KIZ: variants seen among roughly 807,000 people sequenced by gnomAD.
The protein encoded by KIZ is kizuna centrosomal protein, also known as centrosomal protein kizuna.
A neutral mutation model predicts 79.6 loss-of-function variants in KIZ; 68 were observed. The ratio of observed to expected loss-of-function variants is 0.85; its 90% CI spans 0.70 to 1.05. The LOEUF is 1.05. KIZ is among the 50% of genes least tolerant of loss of function. The probability of loss-of-function intolerance (pLI) is 0.00; values close to 1 mark genes in which losing one functional copy is unlikely to be tolerated. For synonymous variants in KIZ, 280 were observed against 281.8 expected (o/e 0.99, Z 0.06); for missense variants, 797 against 800.4 (o/e 1.00, Z 0.05).
At chr20:21,159,955 G>A (rs1293273130) in intron 4 of KIZ, among the ~76,000 whole-genome samples, 2 of 152,150 alleles carry the variant, frequency 1.3e-5, no homozygotes, top group Non-Finnish European at 2.9e-5. Flanking sequence ...TGGGTGCACC[G>A]TTTTATATTC....
chr20:21,135,037 T>C (rs559681860), intron 2 of KIZ, among the ~76,000 whole-genome samples: 1 of 152,292 alleles, frequency 6.6e-6, no homozygotes, highest in African/African-American at 2.4e-5. Context: ...CTAGGTCAGG[T>C]TGCCCGGTGT....
intron 10 of KIZ, among the ~76,000 whole-genome samples, chr20:21,231,934 C>A (rs1348059540): frequency 6.6e-6 from 1 of 152,230 alleles, no homozygotes; most frequent in African/African-American, 2.4e-5. Context: ...TGGACACCCT[C>A]TTTGGGCTGA....
At chr20:21,240,132 A>T (rs190424625) in intron 11 of KIZ, among the ~76,000 whole-genome samples, 11 of 150,402 alleles carry the variant, frequency 7.3e-5, no homozygotes, top group Admixed American at 2.7e-4. Flanking sequence ...TTAATTAACT[A>T]TTTTTTTTTT....
intron 1 of KIZ, among the ~76,000 whole-genome samples, chr20:21,130,138 A>G (rs114331268): frequency 0.016 from 2,395 of 152,142 alleles, 48 homozygotes; most frequent in African/African-American, 0.051. Flanking sequence ...GCTCACCTGC[A>G]AACCGCGGTT....
chr20:21,186,533 A>G (rs887363233), intron 6 of KIZ, among the ~76,000 whole-genome samples: 1 of 150,244 alleles, frequency 6.7e-6, no homozygotes, highest in Non-Finnish European at 1.5e-5. Flanking sequence ...ACTTTCCATT[A>G]TTTTTCATTC....
intron 7 of KIZ, among the ~76,000 whole-genome samples, chr20:21,211,887 G>C (rs1166805979): frequency 6.6e-6 from 1 of 152,128 alleles, no homozygotes; most frequent in Non-Finnish European, 1.5e-5. Flanking sequence ...ACAGGAGTTC[G>C]AGACCAGCCT....
At chr20:21,128,939 C>G (rs2031661773) in intron 1 of KIZ, among the ~76,000 whole-genome samples, 1 of 152,090 alleles carries the variant, frequency 6.6e-6, no homozygotes, top group African/African-American at 2.4e-5. Flanking sequence ...GAAAACTCAG[C>G]AAGATAAGGA....
At chr20:21,166,695 T>G (rs1342067902) in intron 6 of KIZ, 1 of 629,018 alleles carries the variant, frequency 1.6e-6, no homozygotes, top group Non-Finnish European at 2.8e-6. Flanking sequence ...CTACCTCAGG[T>G]GATCTGCCTG....
intron 12 of KIZ, chr20:21,245,917 A>G (rs1163876005): frequency 6.6e-6 from 1 of 152,656 alleles, no homozygotes; most frequent in Non-Finnish European, 1.5e-5. Context: ...CTGTCCACTC[A>G]CTGCCAGGCA....
At chr20:21,226,324 C>G (rs1473816368) in intron 9 of KIZ, 1 of 152,362 alleles carries the variant, frequency 6.6e-6, no homozygotes, top group Non-Finnish European at 1.5e-5. Context: ...CTAGAGGCAT[C>G]TGGATCCACA....
chr20:21,147,961 T>TTGTGTGTGTATG (rs71330815), intron 4 of KIZ, among the ~76,000 whole-genome samples: 17 of 141,036 alleles, frequency 1.2e-4, no homozygotes, highest in Non-Finnish European at 2.3e-4. Context: ...CTCCTGGAAT[T>TTGTGTGTGTATG]TGTGTGTGTG....
At chr20:21,220,374 C>T (rs2123355675) in intron 9 of KIZ, among the ~76,000 whole-genome samples, 1 of 152,184 alleles carries the variant, frequency 6.6e-6, no homozygotes, top group South Asian at 2.1e-4. Context: ...TGCTCAAGGC[C>T]ATGTAGCTGG....
Position 21,229,109 on chromosome 20 carries a change from T to A in KIZ, c.1777T>A (p.Leu593Met). Residue 593 changes from leucine (L) to methionine (M), a missense_variant, in exon 10 of 13, where the codon TTG (leucine) becomes ATG (methionine). By Grantham distance (15) the Leu-to-Met change is conservative (BLOSUM62 2). Coordinates refer to ENST00000619189, the MANE Select transcript of KIZ (RefSeq NM_018474.6). ...FQKTDASVSH[L>M]SGLNIGSGAF... is the part of the protein sequence containing the mutation. ...AAAGACAGATGCTTCTGTGTCACAC[T>A]TGTCAGGTAAGTAAGAGCAGATGGC... 6.3e-7 allele frequency: 1 copy of A among 1,596,922 alleles called. No homozygotes were observed. Among genetic ancestry groups the A allele is most frequent in the Non-Finnish European group, 8.6e-7 (1 of 1,165,578 alleles).
At chr20:21,136,134 G>A (rs1309156925) in intron 2 of KIZ, among the ~76,000 whole-genome samples, 1 of 152,142 alleles carries the variant, frequency 6.6e-6, no homozygotes, top group Non-Finnish European at 1.5e-5. Flanking sequence ...TTTACTGTGT[G>A]AATGTTAGAA....
intron 4 of KIZ, among the ~76,000 whole-genome samples, chr20:21,147,966 T>TGC (rs1236046365): frequency 6.9e-6 from 1 of 145,842 alleles, no homozygotes; most frequent in Admixed American, 7.1e-5. Flanking sequence ...GGAATTTGTG[T>TGC]GTGTGTGTGT....
chr20:21,164,054 A>T (rs917784950), intron 6 of KIZ, among the ~76,000 whole-genome samples: 1 of 152,208 alleles, frequency 6.6e-6, no homozygotes. Context: ...AACACCCCAC[A>T]GCCTGTCTGC....
intron 6 of KIZ, among the ~76,000 whole-genome samples, chr20:21,164,607 AG>A (rs760619201): frequency 6.6e-6 from 1 of 152,172 alleles, no homozygotes; most frequent in Non-Finnish European, 1.5e-5. Context: ...ACACTTACCC[AG>A]GACTCAGTCT....
At chr20:21,153,037 A>G (rs1428242340) in intron 4 of KIZ, among the ~76,000 whole-genome samples, 1 of 152,232 alleles carries the variant, frequency 6.6e-6, no homozygotes, top group African/African-American at 2.4e-5. Flanking sequence ...AGAGGTTTGC[A>G]TTGGAGTCCT....
chr20:21,194,452 C>T (rs2035251977), intron 6 of KIZ: 1 of 152,240 alleles, frequency 6.6e-6, no homozygotes, highest in African/African-American at 2.4e-5. Context: ...TAATTCCATA[C>T]AGCGTTTGAA....
Sources: gnomAD v4.1 joint callset for allele counts (sites outside exome capture counted in the v4.1 genomes callset) on GRCh38, gnomAD v4.1.1 for gene constraint, MANE v1.5 for transcripts, NCBI Gene and HGNC (gene_info 2026-07-23, HGNC 2026-07-21) for gene names.